The following CDH18 variants were observed in gnomAD, a reference collection of about 807,000 sequenced individuals.
The protein encoded by CDH18 is cadherin-18.
A neutral mutation model predicts 67.9 loss-of-function variants in CDH18; 31 were observed. The ratio of observed to expected loss-of-function variants is 0.46; its 90% confidence interval spans 0.34 to 0.62. CDH18 has a LOEUF of 0.62. CDH18 is among the 20% of genes least tolerant of loss of function. The pLI, the probability that CDH18 is intolerant of heterozygous loss-of-function variation, is 0.01. For synonymous variants in CDH18, 362 were observed against 347.2 expected (o/e 1.04, Z -0.48); for missense variants, 890 against 975.5 (o/e 0.91, Z 1.17).
chr5:20,244,707 CA>C (rs1393699118), intron 2 of CDH18, among the ~76,000 whole-genome samples: 6 of 152,084 alleles, frequency 3.9e-5, no homozygotes, highest in Non-Finnish European at 8.8e-5. Flanking sequence ...TTATGATTTT[CA>C]AAATTTGAAT....
At chr5:20,237,395 T>C (rs1217405867) in intron 2 of CDH18, among the ~76,000 whole-genome samples, 4 of 151,918 alleles carry the variant, frequency 2.6e-5, no homozygotes, top group Non-Finnish European at 5.9e-5. Context: ...GTTATTTTTT[T>C]CCACAGGTGA....
intron 6 of CDH18, among the ~76,000 whole-genome samples, chr5:19,610,176 C>T (rs1352199): frequency 0.57 from 86,746 of 151,840 alleles, 27,326 homozygotes; most frequent in South Asian, 0.75. Context: ...GCAGGATTTA[C>T]ATCTGTCAGT....
intron 2 of CDH18, among the ~76,000 whole-genome samples, chr5:19,869,363 G>T (rs1242031369): frequency 1.3e-5 from 2 of 151,982 alleles, no homozygotes; most frequent in Non-Finnish European, 2.9e-5. Context: ...AGACAACTTG[G>T]TGTTAATTTC....
At chr5:20,062,443 A>G (rs1742583334) in intron 2 of CDH18, among the ~76,000 whole-genome samples, 1 of 152,040 alleles carries the variant, frequency 6.6e-6, no homozygotes, top group South Asian at 2.1e-4. Flanking sequence ...GTTCTCTTTA[A>G]TTGCTACCCA....
At chr5:19,970,242 ATAT>A (rs1246075329) in intron 2 of CDH18, among the ~76,000 whole-genome samples, 1 of 151,294 alleles carries the variant, frequency 6.6e-6, no homozygotes, top group African/African-American at 2.4e-5. Context: ...GTATTAATAC[ATAT>A]TATATATAAA....
intron 5 of CDH18, among the ~76,000 whole-genome samples, chr5:19,719,834 C>G (rs906150726): frequency 6.8e-6 from 1 of 147,592 alleles, no homozygotes; most frequent in Non-Finnish European, 1.5e-5. Context: ...ACGTTGTTTT[C>G]TTTTTAAGGT....
intron 1 of CDH18, among the ~76,000 whole-genome samples, chr5:20,563,106 T>C (rs1360560972): frequency 1.3e-5 from 2 of 151,982 alleles, no homozygotes; most frequent in African/African-American, 4.8e-5. Context: ...AGTTAATCAT[T>C]ACTCTAGGAG....
intron 2 of CDH18, among the ~76,000 whole-genome samples, chr5:20,247,572 T>C (rs558032510): frequency 2.6e-5 from 4 of 152,126 alleles, no homozygotes; most frequent in African/African-American, 9.6e-5. Context: ...GAGACCATCC[T>C]GGCCAGCATG....
intron 8 of CDH18, among the ~76,000 whole-genome samples, chr5:19,558,352 CAA>C (rs368874070): frequency 9.9e-5 from 15 of 151,742 alleles, no homozygotes; most frequent in African/African-American, 3.6e-4. Context: ...ATAAATGAAA[CAA>C]AAAGTTAATT....
At chr5:20,521,365 GTT>G (rs1171764391) in intron 1 of CDH18, among the ~76,000 whole-genome samples, 1 of 152,144 alleles carries the variant, frequency 6.6e-6, no homozygotes, top group African/African-American at 2.4e-5. Flanking sequence ...TCCACAAAGT[GTT>G]TCAGAAGAAG....
At chr5:19,942,536 G>A (rs1579716084) in intron 2 of CDH18, among the ~76,000 whole-genome samples, 1 of 152,238 alleles carries the variant, frequency 6.6e-6, no homozygotes, top group Non-Finnish European at 1.5e-5. Context: ...AATCCCTGGA[G>A]GGTAACTTTG....
At chr5:19,855,219 A>C (rs551699726) in intron 2 of CDH18, among the ~76,000 whole-genome samples, 1 of 151,806 alleles carries the variant, frequency 6.6e-6, no homozygotes. Flanking sequence ...TCTGTTTCCT[A>C]TGTGTTTATA....
At chr5:19,561,521 G>A (rs988132514) in intron 8 of CDH18, among the ~76,000 whole-genome samples, 91 of 152,088 alleles carry the variant, frequency 6.0e-4, no homozygotes, top group African/African-American at 2.0e-3. Context: ...AGGGTGTGAG[G>A]GTGAGGAATA....
intron 5 of CDH18, among the ~76,000 whole-genome samples, chr5:19,699,423 C>A (rs964747457): frequency 1.3e-5 from 2 of 152,092 alleles, no homozygotes; most frequent in Non-Finnish European, 2.9e-5. Context: ...CAACTTTATA[C>A]CTGTTATGGA....
chr5:20,431,863 G>A (rs566243880), intron 1 of CDH18, among the ~76,000 whole-genome samples: 1 of 152,090 alleles, frequency 6.6e-6, no homozygotes, highest in Non-Finnish European at 1.5e-5. Flanking sequence ...AAGCAGTTTG[G>A]TACATAAAGC....
intron 1 of CDH18, among the ~76,000 whole-genome samples, chr5:20,297,264 T>C (rs1290060804): frequency 6.6e-6 from 1 of 152,236 alleles, no homozygotes; most frequent in African/African-American, 2.4e-5. Flanking sequence ...TTGCTGCATA[T>C]AGTCATAGCA....
chr5:20,354,882 A>C (rs984314483), intron 1 of CDH18, among the ~76,000 whole-genome samples: 12 of 152,174 alleles, frequency 7.9e-5, no homozygotes, highest in African/African-American at 2.4e-4. Flanking sequence ...CAGTGAAATC[A>C]GTTACTTTAT....
chr5:20,023,658 CAAAA>C (rs58583654), intron 2 of CDH18, among the ~76,000 whole-genome samples: 2 of 84,014 alleles, frequency 2.4e-5, no homozygotes, highest in Non-Finnish European at 2.5e-5. Context: ...GACTCCGTCT[CAAAA>C]AAAAAAAAAA....
chr5:20,503,222 T>C (rs1235368727), intron 1 of CDH18, among the ~76,000 whole-genome samples: 2 of 143,884 alleles, frequency 1.4e-5, no homozygotes, highest in Admixed American at 1.4e-4. Context: ...AAACATGTAA[T>C]AACTTAGCTT....
Sources: allele counts gnomAD v4.1 joint callset (sites outside exome capture counted in the v4.1 genomes callset), GRCh38; gene constraint gnomAD v4.1.1; transcripts MANE v1.5; gene names NCBI Gene and HGNC (gene_info 2026-07-23, HGNC 2026-07-21).